The following ATG5 variants were observed in gnomAD, a reference collection of about 807,000 sequenced individuals.
ATG5 encodes the protein autophagy related 5.
In ATG5, 14 loss-of-function variants were observed where a neutral mutation model predicts 36.5. The ratio of observed to expected loss-of-function variants is 0.38; its 90% CI spans 0.25 to 0.60. The LOEUF is 0.60. Among genes scored for constraint, ATG5 ranks in the 20% least tolerant of loss-of-function variants. The pLI is 0.60. For missense variants in ATG5, 195 were observed against 326.7 expected (o/e 0.60, Z 3.11); for synonymous variants, 95 against 101.5 (o/e 0.94, Z 0.38).
At chr6:106,297,026 T>C (rs904761974) in intron 3 of ATG5, among the ~76,000 whole-genome samples, 1 of 152,234 alleles carries the variant, frequency 6.6e-6, no homozygotes, top group African/African-American at 2.4e-5. Flanking sequence ...ATAGTGAAAT[T>C]GATCATTTAA....
chr6:106,316,437 T>C (rs1325964623), intron 1 of ATG5, among the ~76,000 whole-genome samples, 171 bp from the exon 2 acceptor site: 1 of 151,886 alleles, frequency 6.6e-6, no homozygotes, highest in Non-Finnish European at 1.5e-5. Context: ...TACAACAAAT[T>C]CTAAATGTAA....
At chr6:106,219,467 T>C (rs1342809611) in intron 6 of ATG5, among the ~76,000 whole-genome samples, 1 of 152,192 alleles carries the variant, frequency 6.6e-6, no homozygotes, top group Non-Finnish European at 1.5e-5. Flanking sequence ...GTCGAAAATG[T>C]TTTTGTACCA....
At chr6:106,271,183 CG>C (rs1779438608) in intron 5 of ATG5, among the ~76,000 whole-genome samples, 1 of 152,166 alleles carries the variant, frequency 6.6e-6, no homozygotes, top group Admixed American at 6.5e-5. Flanking sequence ...AAACTCATCT[CG>C]GGCCACACTT....
chr6:106,291,850 G>A (rs1236663424), intron 4 of ATG5, among the ~76,000 whole-genome samples: 1 of 152,220 alleles, frequency 6.6e-6, no homozygotes, highest in Non-Finnish European at 1.5e-5. Context: ...TATCTGTACT[G>A]TTCTTTGGTA....
chr6:106,293,896 G>C (rs1780424653), intron 3 of ATG5, among the ~76,000 whole-genome samples: 1 of 151,278 alleles, frequency 6.6e-6, no homozygotes, highest in South Asian at 2.1e-4. Flanking sequence ...TGGTTAATCA[G>C]AATTAAATAA....
intron 3 of ATG5, among the ~76,000 whole-genome samples, chr6:106,297,900 G>A (rs999289602): frequency 5.3e-5 from 8 of 151,310 alleles, no homozygotes; most frequent in Admixed American, 5.3e-4. Flanking sequence ...GCAAAACCCT[G>A]TCTCTACAAA....
chr6:106,307,887 G>A (rs1770508797), intron 3 of ATG5, among the ~76,000 whole-genome samples: 1 of 152,116 alleles, frequency 6.6e-6, no homozygotes, highest in Admixed American at 6.6e-5. Flanking sequence ...ACGTAAAAAG[G>A]AAATCAATAT....
At chr6:106,242,125 T>C (rs1778152316) in intron 6 of ATG5, among the ~76,000 whole-genome samples, 1 of 146,564 alleles carries the variant, frequency 6.8e-6, no homozygotes, top group African/African-American at 2.5e-5. Context: ...TATCTATATC[T>C]ATACACACAT....
intron 6 of ATG5, among the ~76,000 whole-genome samples, chr6:106,238,006 C>T (rs1777963376): frequency 6.6e-6 from 1 of 152,146 alleles, no homozygotes; most frequent in Non-Finnish European, 1.5e-5. Context: ...AGATTACTAT[C>T]ATTACAAAAA....
In ATG5 at chr6:106,259,713, TA is replaced by T. The variant is rs1177270025; in HGVS notation, c.479-11470del. Among the ~76,000 whole-genome samples the T allele has an allele frequency of 4.6e-5, 7 of 152,266 alleles. No homozygotes were observed. The East Asian group carries it at 1.3e-3, about 29-fold the overall frequency. On this transcript the variant is annotated intron_variant, in intron 5 of 7. Transcript: ENST00000369076. ...GTTATAGAGTTTTTTAAATCTTACA[TA>T]AAAATAATGACTTTTAAATACATGA...
chr6:106,220,586 TACTTAAA>T (rs1271095308), intron 6 of ATG5, among the ~76,000 whole-genome samples: 1 of 152,198 alleles, frequency 6.6e-6, no homozygotes, highest in African/African-American at 2.4e-5. Context: ...ATATATTACC[TACTTAAA>T]ATTATTAGCA....
At chr6:106,296,241 CA>C (rs1317762603) in intron 3 of ATG5, among the ~76,000 whole-genome samples, 1 of 151,772 alleles carries the variant, frequency 6.6e-6, no homozygotes, top group East Asian at 1.9e-4. Flanking sequence ...AAACTTACTC[CA>C]TGTAGTAATT....
chr6:106,210,930 T>G (rs551617687), intron 6 of ATG5, among the ~76,000 whole-genome samples: 1 of 152,324 alleles, frequency 6.6e-6, no homozygotes, highest in Admixed American at 6.5e-5. Flanking sequence ...AATTCTAATA[T>G]GTATTCTGTA....
At chr6:106,311,802 C>G (rs149804919) in intron 2 of ATG5, among the ~76,000 whole-genome samples, 3 of 151,460 alleles carry the variant, frequency 2.0e-5, no homozygotes, top group Non-Finnish European at 4.4e-5. Context: ...AAGCAGGAAA[C>G]TGGTTACTAC....
chr6:106,213,409 T>C (rs1018702469), intron 6 of ATG5, among the ~76,000 whole-genome samples: 1 of 152,150 alleles, frequency 6.6e-6, no homozygotes, highest in African/African-American at 2.4e-5. Context: ...TATCAGTAGG[T>C]ACAAAGTAAA....
At chr6:106,220,836 G>GA (rs1777219584) in intron 6 of ATG5, among the ~76,000 whole-genome samples, 3 of 152,138 alleles carry the variant, frequency 2.0e-5, no homozygotes, top group Non-Finnish European at 4.4e-5. Context: ...CTTACACCAT[G>GA]AAATTGTCAG....
chr6:106,317,476 G>C (rs957195252), intron 1 of ATG5, among the ~76,000 whole-genome samples: 30 of 152,068 alleles, frequency 2.0e-4, no homozygotes, highest in African/African-American at 7.2e-4. Flanking sequence ...GAAAAAGTTG[G>C]AGGTCAACTG....
At chr6:106,272,168 T>A (rs1378405806) in intron 5 of ATG5, among the ~76,000 whole-genome samples, 1 of 152,254 alleles carries the variant, frequency 6.6e-6, no homozygotes, top group African/African-American at 2.4e-5. Context: ...TGGTCTGATA[T>A]GACCACTGGT....
chr6:106,201,818 A>G (rs1776441775), intron 7 of ATG5, 154 bp downstream of exon 7: 1 of 444,180 alleles, frequency 2.3e-6, no homozygotes, highest in African/African-American at 2.0e-5. Context: ...AAAATAATAT[A>G]TTAAATATTA....
Sources: gnomAD v4.1 joint callset for allele counts (sites outside exome capture counted in the v4.1 genomes callset) on GRCh38, gnomAD v4.1.1 for gene constraint, MANE v1.5 for transcripts, NCBI Gene and HGNC (gene_info 2026-07-23, HGNC 2026-07-21) for gene names.